The following NEGR1 variants were observed in gnomAD, a reference collection of about 807,000 sequenced individuals.
NEGR1 encodes the protein IgLON family member 4.
NEGR1 carries 10 observed loss-of-function variants against 40.9 expected under a neutral mutation model. That is an observed-to-expected ratio of 0.24 (90% confidence interval 0.15 to 0.42). The LOEUF (loss-of-function observed/expected upper bound fraction) is 0.42, where lower values mean the gene tolerates loss of function less well. Ranked by LOEUF, NEGR1 falls within the 10% of genes least tolerant of loss-of-function variation. The pLI is 1.00. For synonymous variants in NEGR1, 185 were observed against 166.8 expected, an observed-to-expected ratio of 1.11 and a Z score of -0.84; for missense variants, 352 against 438.9, an observed-to-expected ratio of 0.80 and a Z score of 1.77.
At position 71,457,205 on chromosome 1, in the gene NEGR1, A is replaced by T. The variant is rs1646678834; in HGVS notation, c.941-49635T>A. Among the ~76,000 whole-genome samples the T allele has an allele frequency of 1.3e-5, 2 of 152,078 alleles. 1 individual carries two copies. The highest frequency in any genetic ancestry group is 4.2e-4 in the South Asian group (2 of 4,814). ...AGTGATTCCACTCTCATGTGGTCTAAATCCTCCTCCGTTCTCCCCACTACC... is the reference window on the plus strand; with the variant it reads ...AGTGATTCCACTCTCATGTGGTCTATATCCTCCTCCGTTCTCCCCACTACC... On this transcript the variant is annotated intron_variant, in intron 6 of 6. Coordinates refer to ENST00000357731, the MANE Select transcript of NEGR1 (RefSeq NM_173808.3).
chr1:72,124,578 G>A (rs1649938384), intron 1 of NEGR1, among the ~76,000 whole-genome samples: 2 of 151,794 alleles, frequency 1.3e-5, no homozygotes, highest in Admixed American at 6.6e-5. Flanking sequence ...CACAAATTTG[G>A]GATTATTTGA....
intron 4 of NEGR1, among the ~76,000 whole-genome samples, chr1:71,685,764 T>C (rs1557612677): frequency 6.6e-6 from 1 of 152,222 alleles, no homozygotes; most frequent in Non-Finnish European, 1.5e-5. Flanking sequence ...CAATTACTGG[T>C]GTTTAAAAAA....
Position 71,665,350 on chromosome 1 carries a change from G to A in NEGR1, c.667+32658C>T, listed in dbSNP as rs544230264. Among the ~76,000 whole-genome samples, 238 of 152,234 alleles carry A rather than the reference G, an allele frequency of 1.6e-3. 1 individual carries two copies. The highest frequency in any genetic ancestry group is 2.5e-3 in the Non-Finnish European group (170 of 68,008). Reference sequence around the variant, plus strand: ...AGAGAACTTGTGGAGTTCCTGCAAAGAAAATAGAGGTATATGTTAAACATG... The same window carrying A: ...AGAGAACTTGTGGAGTTCCTGCAAAAAAAATAGAGGTATATGTTAAACATG... On this transcript the variant is annotated intron_variant, in intron 4 of 6. Transcript: ENST00000357731.
chr1:71,513,979 TCGGGTCACTCCCACC>T (rs1206520686), intron 6 of NEGR1, among the ~76,000 whole-genome samples: 6 of 129,222 alleles, frequency 4.6e-5, no homozygotes, highest in African/African-American at 1.8e-4. Context: ...ACCTGGAAAA[TCGGGTCACTCCCACC>T]CGAATATTGC....
intron 2 of NEGR1, among the ~76,000 whole-genome samples, chr1:71,829,653 A>T (rs1658768775): frequency 6.6e-6 from 1 of 151,976 alleles, no homozygotes. Flanking sequence ...AAACAAAACA[A>T]AACAAAACCC....
intron 2 of NEGR1, among the ~76,000 whole-genome samples, chr1:71,845,473 C>A (rs958426034): frequency 6.6e-6 from 1 of 152,050 alleles, no homozygotes; most frequent in African/African-American, 2.4e-5. Flanking sequence ...AATCAGGCTG[C>A]CCCAATTTCT....
intron 1 of NEGR1, among the ~76,000 whole-genome samples, chr1:71,964,981 T>A (rs1224547266): frequency 2.0e-5 from 3 of 152,160 alleles, no homozygotes; most frequent in Admixed American, 6.5e-5. Context: ...GAGTTTAGCA[T>A]GGTAATACTA....
At chr1:71,913,257 G>A (rs1661472333) in intron 2 of NEGR1, among the ~76,000 whole-genome samples, 1 of 152,106 alleles carries the variant, frequency 6.6e-6, no homozygotes, top group Admixed American at 6.5e-5. Flanking sequence ...TGGGATAACA[G>A]GCGCCTGCCA....
chr1:71,591,913 T>C (rs1240565161), intron 6 of NEGR1, among the ~76,000 whole-genome samples: 1 of 152,062 alleles, frequency 6.6e-6, no homozygotes, highest in Non-Finnish European at 1.5e-5. Flanking sequence ...CTATACAATA[T>C]TTGCATTTTT....
chr1:71,726,858 A>G (rs1654693413), intron 3 of NEGR1, among the ~76,000 whole-genome samples: 2 of 152,010 alleles, frequency 1.3e-5, no homozygotes, highest in Non-Finnish European at 2.9e-5. Context: ...TACATACTGA[A>G]TTCCACAGAA....
In NEGR1 at chr1:71,719,114, A is replaced by AT. The variant is rs200962460; in HGVS notation, c.536-20976dup. On this transcript the variant is annotated intron_variant, in intron 3 of 6. Transcript: ENST00000357731. ...GGGAAAGAGTTCTACAGCACTTTAT[A>AT]TTTTTTTCCCTAACATATTAAGCCT... 2.7e-3 allele frequency among the ~76,000 whole-genome samples: 416 copies of AT among 152,122 alleles called. 2 individuals are homozygous for AT. Among genetic ancestry groups the AT allele is most frequent in the African/African-American group, 9.6e-3 (397 of 41,502 alleles).
At chr1:71,555,537 A>T (rs1009855778) in intron 6 of NEGR1, among the ~76,000 whole-genome samples, 1 of 151,622 alleles carries the variant, frequency 6.6e-6, no homozygotes, top group African/African-American at 2.4e-5. Flanking sequence ...AAGAAAATTA[A>T]CTTACTACTC....
At chr1:71,427,509 C>A (rs1476979466) in intron 6 of NEGR1, among the ~76,000 whole-genome samples, 1 of 152,112 alleles carries the variant, frequency 6.6e-6, no homozygotes, top group Non-Finnish European at 1.5e-5. Context: ...GCAGGAAATC[C>A]TTTACTCTTT....
chr1:71,617,697 C>A (rs181099530), intron 4 of NEGR1, among the ~76,000 whole-genome samples: 1 of 152,300 alleles, frequency 6.6e-6, no homozygotes, highest in African/African-American at 2.4e-5. Flanking sequence ...GAACTAAAAT[C>A]ATTTTCCAGA....
intron 1 of NEGR1, among the ~76,000 whole-genome samples, chr1:72,012,625 T>C (rs1158050733): frequency 6.6e-6 from 1 of 152,048 alleles, no homozygotes; most frequent in Non-Finnish European, 1.5e-5. Flanking sequence ...GTTAAGAACC[T>C]GGGCAAGAAC....
intron 2 of NEGR1, among the ~76,000 whole-genome samples, 177 bp from the exon 3 acceptor site, chr1:71,776,474 T>C (rs1330667469): frequency 6.6e-6 from 1 of 152,180 alleles, no homozygotes; most frequent in Non-Finnish European, 1.5e-5. Context: ...AGGAGTTTTT[T>C]ATTAGTTTTT....
chr1:71,628,797 C>A (rs780261946), intron 4 of NEGR1, among the ~76,000 whole-genome samples: 21 of 152,112 alleles, frequency 1.4e-4, no homozygotes, highest in Non-Finnish European at 2.9e-4. Context: ...GCCACATTTT[C>A]TTTATCCAGT....
chr1:72,256,961 CATTT>C lies in NEGR1; in HGVS notation c.176+25354_176+25357del, dbSNP rs559617569. On this transcript the variant is annotated intron_variant, in intron 1 of 6. Transcript: ENST00000357731. The stretch of plus-strand genomic sequence containing the variant: ...AGTTTCTAGAAGTAACACAAACACT[CATTT>C]AAACTCAAATTAAGATCTGTGGTTT... 3.9e-5 allele frequency among the ~76,000 whole-genome samples: 6 copies of C among 152,254 alleles called. No individual in the cohort carries two copies. In the South Asian group the frequency reaches 8.3e-4, roughly 21 times the overall value.
intron 1 of NEGR1, among the ~76,000 whole-genome samples, chr1:72,056,717 T>C (rs950008291): frequency 2.6e-5 from 4 of 151,498 alleles, no homozygotes; most frequent in African/African-American, 4.8e-5. Flanking sequence ...CAGTAATTCA[T>C]TTTTATTGAA....
Sources: allele counts gnomAD v4.1 joint callset (sites outside exome capture counted in the v4.1 genomes callset), GRCh38; gene constraint gnomAD v4.1.1; transcripts MANE v1.5; gene names NCBI Gene and HGNC (gene_info 2026-07-23, HGNC 2026-07-21).